CAPZA1: variants seen among roughly 807,000 people sequenced by gnomAD.
CAPZA1 encodes F-actin-capping protein subunit alpha-1.
Under a neutral mutation model 40.8 loss-of-function variants are expected in CAPZA1, and 10 were observed. That is an observed-to-expected ratio of 0.25 (90% CI 0.15 to 0.42). The LOEUF is 0.42. Among genes scored for constraint, CAPZA1 ranks in the 10% least tolerant of loss-of-function variants. CAPZA1 has a pLI of 1.00. For synonymous variants in CAPZA1, 98 were observed against 115.0 expected (o/e 0.85, Z 0.95); for missense variants, 277 against 353.8 (o/e 0.78, Z 1.74).
At chr1:112,663,397 A>G (rs140908492) in intron 7 of CAPZA1, among the ~76,000 whole-genome samples, 370 of 152,270 alleles carry the variant, frequency 2.4e-3, no homozygotes, top group African/African-American at 8.3e-3. Context: ...TAACCTTTAT[A>G]TGTCATCATC....
chr1:112,668,461 C>T (rs1036228885), intron 8 of CAPZA1, among the ~76,000 whole-genome samples: 3 of 152,036 alleles, frequency 2.0e-5, no homozygotes, highest in African/African-American at 7.2e-5. Context: ...TAAAAGATGG[C>T]GGACTTTATT....
chr1:112,663,319 AAAAC>A (rs1452540177), intron 7 of CAPZA1, among the ~76,000 whole-genome samples: 8 of 152,268 alleles, frequency 5.3e-5, no homozygotes, highest in East Asian at 3.9e-4. Context: ...TTTTAATGAA[AAAAC>A]AAACAAAACT....
chr1:112,625,591 C>T (rs1670789751), intron 1 of CAPZA1, among the ~76,000 whole-genome samples: 1 of 152,182 alleles, frequency 6.6e-6, no homozygotes, highest in Admixed American at 6.5e-5. Context: ...TGGGAGAAGT[C>T]ATACTGGAAG....
chr1:112,668,216 C>T (rs1473062696), intron 8 of CAPZA1, among the ~76,000 whole-genome samples: 2 of 152,130 alleles, frequency 1.3e-5, no homozygotes, highest in African/African-American at 4.8e-5. Flanking sequence ...GTTGAGGCTG[C>T]AGTGAGCCAA....
chr1:112,629,058 G>A (rs1197018528), intron 1 of CAPZA1, among the ~76,000 whole-genome samples: 1 of 152,114 alleles, frequency 6.6e-6, no homozygotes, highest in Middle Eastern at 3.2e-3. Flanking sequence ...TAAAATGTAG[G>A]TCAGTACATG....
At chr1:112,628,589 C>A (rs928081142) in intron 1 of CAPZA1, among the ~76,000 whole-genome samples, 1 of 152,120 alleles carries the variant, frequency 6.6e-6, no homozygotes, top group Non-Finnish European at 1.5e-5. Context: ...TCATAATAGG[C>A]ATATGTACCC....
chr1:112,659,849 T>A, intron 7 of CAPZA1, 70 bp downstream of exon 7: 2 of 1,177,416 alleles, frequency 1.7e-6, no homozygotes, highest in Non-Finnish European at 2.5e-6. Flanking sequence ...GCTTTGGTAT[T>A]AAATAAGGAC....
chr1:112,640,781 G>A (rs1432847584), intron 1 of CAPZA1, among the ~76,000 whole-genome samples: 1 of 152,266 alleles, frequency 6.6e-6, no homozygotes, highest in Non-Finnish European at 1.5e-5. Flanking sequence ...GAATAGAGAG[G>A]GGAGAAAGGT....
At chr1:112,634,128 T>C (rs905747614) in intron 1 of CAPZA1, among the ~76,000 whole-genome samples, 2 of 152,164 alleles carry the variant, frequency 1.3e-5, no homozygotes, top group Non-Finnish European at 2.9e-5. Context: ...AAAAACTCCC[T>C]TAGGAAATAG....
intron 1 of CAPZA1, among the ~76,000 whole-genome samples, chr1:112,621,013 G>T (rs946693050): frequency 3.3e-5 from 5 of 152,224 alleles, no homozygotes; most frequent in African/African-American, 1.2e-4. Context: ...AAGTTGGGAT[G>T]GGAAGGGGAC....
At chr1:112,622,350 A>G (rs1670693611) in intron 1 of CAPZA1, among the ~76,000 whole-genome samples, 2 of 152,224 alleles carry the variant, frequency 1.3e-5, no homozygotes, top group Non-Finnish European at 2.9e-5. Context: ...TAAATAAAAC[A>G]GGAAGTTGAA....
intron 1 of CAPZA1, among the ~76,000 whole-genome samples, chr1:112,632,304 C>G (rs1004116707): frequency 5.9e-5 from 9 of 152,024 alleles, no homozygotes; most frequent in African/African-American, 1.9e-4. Flanking sequence ...CAAAACAAAC[C>G]AAAGAAAAGA....
intron 3 of CAPZA1, 24 bp from the exon 4 acceptor site, chr1:112,653,574 T>TTTA: frequency 8.9e-7 from 1 of 1,127,776 alleles, no homozygotes; most frequent in Admixed American, 2.6e-5. Context: ...TTTTTTTTTT[T>TTTA]AAAAAACTTT....
At chr1:112,643,442 A>G (rs1671217255) in intron 1 of CAPZA1, among the ~76,000 whole-genome samples, 1 of 152,190 alleles carries the variant, frequency 6.6e-6, no homozygotes, top group Non-Finnish European at 1.5e-5. Flanking sequence ...ATATTCTAAC[A>G]TGTATTTTTG....
intron 1 of CAPZA1, among the ~76,000 whole-genome samples, chr1:112,644,403 C>A (rs926589123): frequency 2.0e-5 from 3 of 150,690 alleles, no homozygotes; most frequent in African/African-American, 7.3e-5. Flanking sequence ...GTTGGCCAGA[C>A]TGGTCTTGAA....
chr1:112,621,317 G>A (rs371099130), intron 1 of CAPZA1, among the ~76,000 whole-genome samples: 1 of 149,328 alleles, frequency 6.7e-6, no homozygotes, highest in South Asian at 2.1e-4. Context: ...ACGGAGTCTC[G>A]CTCGGCTCAC....
intron 7 of CAPZA1, among the ~76,000 whole-genome samples, chr1:112,664,100 C>T (rs957893370): frequency 6.6e-6 from 1 of 151,936 alleles, no homozygotes; most frequent in African/African-American, 2.4e-5. Flanking sequence ...GCCATGGTGG[C>T]ACGCACCTGT....
At chr1:112,633,640 T>A (rs11584092) in intron 1 of CAPZA1, among the ~76,000 whole-genome samples, 53,569 of 152,014 alleles carry the variant, frequency 0.35, 11,230 homozygotes, top group South Asian at 0.6. Context: ...ATATGGTAAT[T>A]TTAGTATATT....
At chr1:112,642,327 C>T (rs1172010520) in intron 1 of CAPZA1, among the ~76,000 whole-genome samples, 2 of 150,664 alleles carry the variant, frequency 1.3e-5, no homozygotes, top group African/African-American at 2.4e-5. Flanking sequence ...AATTCTCCTG[C>T]CTCAGCCTCC....
Sources: gnomAD v4.1 joint callset for allele counts (sites outside exome capture counted in the v4.1 genomes callset) on GRCh38, gnomAD v4.1.1 for gene constraint, MANE v1.5 for transcripts, NCBI Gene and HGNC (gene_info 2026-07-23, HGNC 2026-07-21) for gene names.